The following TRRAP variants were observed in gnomAD, a reference collection of about 807,000 sequenced individuals.
TRRAP encodes the protein transformation/transcription domain-associated protein.
TRRAP carries 41 observed loss-of-function variants against 438.8 expected under a neutral mutation model. The observed-to-expected ratio is 0.09, with a 90% CI of 0.07 to 0.12. The LOEUF (loss-of-function observed/expected upper bound fraction) is 0.12, where lower values mean the gene tolerates loss of function less well. Among genes scored for constraint, TRRAP ranks in the 10% least tolerant of loss-of-function variants. The probability of loss-of-function intolerance (pLI) is 1.00; values close to 1 mark genes in which losing one functional copy is unlikely to be tolerated. For synonymous variants in TRRAP, 1,994 were observed against 1,962.9 expected, an observed-to-expected ratio of 1.02 and a Z score of -0.42; for missense variants, 3,122 against 5,055.1, an observed-to-expected ratio of 0.62 and a Z score of 11.60.
At position 98,970,172 on chromosome 7, in the gene TRRAP, C is replaced by T. The variant is rs764666499; in HGVS notation, c.7573C>T (p.Leu2525Phe). The part of the protein sequence containing the change: ...PIGTSCQGAM[L>F]PSITNVINLA... ...TGGCACCAGCTGCCAAGGAGCCATG[C>T]TCCCGTCCATCACCAACGTCATCAA... Residue 2525 changes from leucine (L) to phenylalanine (F), a missense_variant, in exon 52 of 73, where the codon CTC becomes TTC. Leu to Phe is a conservative substitution (Grantham distance 22). Around this residue, in one of 24 missense-constraint regions of TRRAP, gnomAD observed 992 missense variants for 1,281.2 expected, o/e 0.77. Coordinates refer to ENST00000456197, the MANE Select transcript of TRRAP (RefSeq NM_001375524.1). 6.8e-6 allele frequency: 11 copies of T among 1,613,832 alleles called. No homozygotes were observed. The highest frequency in any genetic ancestry group is 5.1e-6 in the Non-Finnish European group (6 of 1,180,028).
In TRRAP at chr7:98,895,831, A is replaced by G. The variant is rs782387526; in HGVS notation, c.507+11A>G. On this transcript the variant is annotated intron_variant, in intron 7 of 72. Transcript: ENST00000456197. ...CTTCCAAAAGTAGTGGTATGTTTTTACTTTGGTTTTAATTAGTTACATTTG... is the reference window on the plus strand; with the variant it reads ...CTTCCAAAAGTAGTGGTATGTTTTTGCTTTGGTTTTAATTAGTTACATTTG... 5.0e-6 allele frequency: 8 copies of G among 1,595,726 alleles called. No individual in the cohort carries two copies. The highest frequency in any genetic ancestry group is 6.8e-6 in the Non-Finnish European group (8 of 1,171,270).
At chr7:98,899,796 A>G (rs1554406355) in intron 10 of TRRAP, 29 bp downstream of exon 10, 4 of 1,607,950 alleles carry the variant, frequency 2.5e-6, no homozygotes, top group Middle Eastern at 1.7e-4. Context: ...CGGCTGCCAC[A>G]GTGCCTGGAT....
intron 3 of TRRAP, among the ~76,000 whole-genome samples, chr7:98,886,413 GAGAT>G (rs1210754090): frequency 1.3e-5 from 2 of 151,724 alleles, no homozygotes; most frequent in Admixed American, 6.6e-5. Flanking sequence ...GATATCTAGA[GAGAT>G]ATGGATATCT....
intron 52 of TRRAP, among the ~76,000 whole-genome samples, chr7:98,971,234 A>C (rs780843774): frequency 2.3e-4 from 35 of 152,216 alleles, no homozygotes; most frequent in Admixed American, 9.8e-4. Context: ...TTCCTGTGTG[A>C]AATAAATTGC....
At position 98,956,124 on chromosome 7, in the gene TRRAP, G is replaced by A; in HGVS notation, c.5938-22G>A. On this transcript the variant is annotated intron_variant, in intron 41 of 72. Coordinates refer to ENST00000456197, the MANE Select transcript of TRRAP (RefSeq NM_001375524.1). This position sits in a 1 kb window ranked among gnomAD's most constrained non-coding sequence, Gnocchi z 4.5. ...GGACCAAGCTCCCATGTTCCGGCGTGATGCTGGCCCTGCGTCCGCAGGTGT... is the reference window on the plus strand; with the variant it reads ...GGACCAAGCTCCCATGTTCCGGCGTAATGCTGGCCCTGCGTCCGCAGGTGT... The A allele has an allele frequency of 1.2e-6, 2 of 1,603,254 alleles. No individual in the cohort carries two copies. Among genetic ancestry groups the A allele is most frequent in the Non-Finnish European group, 8.5e-7 (1 of 1,174,738 alleles).
chr7:98,946,019 G>A, intron 33 of TRRAP, 69 bp downstream of exon 33: 2 of 1,361,324 alleles, frequency 1.5e-6, no homozygotes, highest in Admixed American at 2.9e-5. Flanking sequence ...CTCGTTAGCT[G>A]TGTCGTGGTT....
chr7:98,953,654 T>G (rs1554418818), intron 40 of TRRAP, among the ~76,000 whole-genome samples: 3 of 148,018 alleles, frequency 2.0e-5, no homozygotes, highest in African/African-American at 2.5e-5. Context: ...GGAGAGGGGG[T>G]GGGGAGCGAG....
chr7:98,988,873 G>T lies in TRRAP; in HGVS notation c.9498G>T (p.Glu3166Asp), dbSNP rs1204822721. The T allele has an allele frequency of 6.2e-7, 1 of 1,614,198 alleles. No individual in the cohort carries two copies. Residue 3166 changes from glutamate to aspartate, a missense_variant, in exon 63 of 73, where the codon GAG becomes GAT. Transcript: ENST00000456197. ...GDYLENIFVKERQLHLGVSAI... is the reference protein window; with the variant it reads ...GDYLENIFVKDRQLHLGVSAI... ...ACCTGGAGAACATCTTTGTGAAGGA[G>T]CGGCAGCTGCACCTGGGCGTGTCTG...
rs1046813940 is a variant in TRRAP, at chr7:99,012,977, G to A, written c.*622G>A. 2 of 152,286 alleles carry A rather than the reference G, an allele frequency of 1.3e-5. No individual in the cohort carries two copies. The highest frequency in any genetic ancestry group is 2.9e-5 in the Non-Finnish European group (2 of 68,072). The allele number at this position is 152,286 out of a possible 1,614,324, so 9.4% of individuals were successfully genotyped here. On this transcript the variant is annotated 3_prime_UTR_variant, in exon 73 of 73. Coordinates refer to ENST00000456197, the MANE Select transcript of TRRAP (RefSeq NM_001375524.1). The surrounding 1 kb of genome is among the most constrained non-coding windows in gnomAD (Gnocchi z 5.9). ...CGCATCCACTTCGGATTCAGTGGGT[G>A]AAGACAGAACTCTGAGAGTCTGCAG...
chr7:98,970,893 A>G (rs919684787), intron 52 of TRRAP, among the ~76,000 whole-genome samples: 3 of 152,046 alleles, frequency 2.0e-5, no homozygotes, highest in Admixed American at 2.0e-4. Context: ...GAGAACCTGT[A>G]CGAAGGTTGA....
chr7:98,879,831 G>A (rs1418032346), intron 1 of TRRAP, among the ~76,000 whole-genome samples: 2 of 152,184 alleles, frequency 1.3e-5, no homozygotes. Context: ...GAGCTCTCTA[G>A]TGTCACCTGT....
At chr7:98,968,451 C>T (rs1040703193) in intron 51 of TRRAP, among the ~76,000 whole-genome samples, 2 of 152,164 alleles carry the variant, frequency 1.3e-5, no homozygotes, top group African/African-American at 4.8e-5. Flanking sequence ...GTTATGAAAG[C>T]GAGGTCCAGA....
chr7:98,964,758 G>T lies in TRRAP; in HGVS notation c.6959G>T (p.Ser2320Ile). The T allele has an allele frequency of 6.2e-7, 1 of 1,612,984 alleles. No individual in the cohort carries two copies. Among genetic ancestry groups the T allele is most frequent in the Non-Finnish European group, 8.5e-7 (1 of 1,179,552 alleles). The change falls in exon 48 of 73, where the codon AGC (serine) becomes ATC (isoleucine). Residue 2320 changes from serine to isoleucine, a missense_variant. Physicochemically the swap from Ser to Ile is moderately radical, Grantham distance 142. Coordinates refer to ENST00000456197, the MANE Select transcript of TRRAP (RefSeq NM_001375524.1). Reference sequence around the variant, plus strand: ...TTAAACCCTCAGGCAGCGTCAGGAAGCACCGAAGCCACCTCAGGTGATGTG... The same window carrying T: ...TTAAACCCTCAGGCAGCGTCAGGAATCACCGAAGCCACCTCAGGTGATGTG... Reference protein sequence around the residue: ...EHLNPQAASGSTEATSGTSEL... With the variant: ...EHLNPQAASGITEATSGTSEL...
chr7:98,990,505 C>A lies in TRRAP; in HGVS notation c.9642C>A (p.Ala3214=). 6.2e-7 allele frequency: 1 copy of A among 1,613,990 alleles called. No individual in the cohort carries two copies. The highest frequency in any genetic ancestry group is 1.1e-5 in the South Asian group (1 of 91,078). The stretch of plus-strand genomic sequence containing the variant: ...ATGACAAAAACACTTTGGCAGATGC[C>A]GTCGACAAGTACTGCATTGGTGTGC... The part of the protein sequence containing the change: ...FDDDKNTLAD[A]VDKYCIGVPP... Residue 3214 remains alanine, a synonymous_variant, in exon 64 of 73, where the codon GCC becomes GCA. Coordinates refer to ENST00000456197, the MANE Select transcript of TRRAP (RefSeq NM_001375524.1).
Position 98,910,206 on chromosome 7 carries a change from GCCCCTGTCCCTGCCCCACCTCCAC to G in TRRAP, c.1506_1529del (p.Val503_Pro510del). On this transcript the variant is annotated inframe_deletion, in exon 15 of 73. Transcript: ENST00000456197. ...AGCTCCTGGCCCTGCTCCCTCCCCA[GCCCCTGTCCCTGCCCCACCTCCAC>G]CCCCGCCCCCACCCCCACCTGCCAC... The G allele has an allele frequency of 6.4e-7, 1 of 1,573,302 alleles. No homozygotes were observed. Among genetic ancestry groups the G allele is most frequent in the Non-Finnish European group, 8.6e-7 (1 of 1,162,926 alleles).
At chr7:98,906,356 C>A in intron 13 of TRRAP, 101 bp downstream of exon 13, 1 of 740,864 alleles carries the variant, frequency 1.3e-6, no homozygotes, top group Non-Finnish European at 2.2e-6. Flanking sequence ...GGCTGTTGAG[C>A]CTTGACACAC....
At chr7:98,975,119 G>A (rs921411917) in intron 53 of TRRAP, among the ~76,000 whole-genome samples, 7 of 152,220 alleles carry the variant, frequency 4.6e-5, no homozygotes, top group Admixed American at 1.3e-4. Context: ...GGCCATGTGA[G>A]GGAAACTGTG....
intron 45 of TRRAP, among the ~76,000 whole-genome samples, chr7:98,960,759 TTGTGTGTGTGTG>T (rs35384186): frequency 5.5e-5 from 8 of 144,836 alleles, no homozygotes; most frequent in African/African-American, 1.5e-4. Context: ...GCCTGGCTTT[TTGTGTGTGTGTG>T]TGTGTGTGTG....
In TRRAP at chr7:98,945,811, C is replaced by T. The variant is rs1554416653; in HGVS notation, c.4527+11C>T. 1 of 1,597,668 alleles carries T rather than the reference C, an allele frequency of 6.3e-7. No homozygotes were observed. Among genetic ancestry groups the T allele is most frequent in the African/African-American group, 1.3e-5 (1 of 75,008 alleles). ...TTCTGTCAGTTTGAGGTGAGAACAACCTATTAACAGTCAGTTTCTGACTTG... is the reference window on the plus strand; with the variant it reads ...TTCTGTCAGTTTGAGGTGAGAACAATCTATTAACAGTCAGTTTCTGACTTG... On this transcript the variant is annotated intron_variant, in intron 32 of 72. Transcript: ENST00000456197.
Sources: allele counts gnomAD v4.1 joint callset (sites outside exome capture counted in the v4.1 genomes callset), GRCh38; gene constraint gnomAD v4.1.1; regional missense constraint gnomAD v4.1.1; non-coding constraint Gnocchi (gnomAD v3.1); transcripts MANE v1.5; gene names NCBI Gene and HGNC (gene_info 2026-07-23, HGNC 2026-07-21).